The following KIRREL3 variants were observed in gnomAD, a reference collection of about 807,000 sequenced individuals.
The protein encoded by KIRREL3 is kin of IRRE-like protein 3.
In KIRREL3, 36 loss-of-function variants were observed where a neutral mutation model predicts 89.7. The observed-to-expected ratio is 0.40, with a 90% CI of 0.31 to 0.53. The LOEUF (loss-of-function observed/expected upper bound fraction) is 0.53, where lower values mean the gene tolerates loss of function less well. Ranked by LOEUF, KIRREL3 falls within the 20% of genes least tolerant of loss-of-function variation. The pLI is 0.49. For synonymous variants in KIRREL3, 445 were observed against 441.4 expected (o/e 1.01, Z -0.10); for missense variants, 864 against 1,056.6 (o/e 0.82, Z 2.53).
Position 126,528,566 on chromosome 11 carries a change from C to T in KIRREL3, c.134-1879G>A, listed in dbSNP as rs1958836645. On this transcript the variant is annotated intron_variant, in intron 2 of 16. Coordinates refer to ENST00000525144, the MANE Select transcript of KIRREL3 (RefSeq NM_032531.4). The surrounding 1 kb of genome is among the most constrained non-coding windows in gnomAD (Gnocchi z 4.6). ...AATTGGCCTTGAATTGTGGGAGTAA[C>T]ACTTTTTATTCTGATTTGAGCTTTA... is the stretch of plus-strand genomic sequence containing the variant. 6.6e-6 allele frequency among the ~76,000 whole-genome samples: 1 copy of T among 152,140 alleles called. No individual in the cohort carries two copies. The highest frequency in any genetic ancestry group is 1.5e-5 in the Non-Finnish European group (1 of 68,034).
At position 126,449,049 on chromosome 11, in the gene KIRREL3, G is replaced by T. The variant is rs377273909; in HGVS notation, c.957C>A (p.Ala319=). 7.4e-6 allele frequency: 12 copies of T among 1,613,662 alleles called. No individual in the cohort carries two copies. The highest frequency in any genetic ancestry group is 9.3e-6 in the Non-Finnish European group (11 of 1,179,740). The change falls in exon 8 of 17, where the codon GCC becomes GCA. Residue 319 remains alanine, a synonymous_variant. Transcript: ENST00000525144. ...TGCGGCTGAGGTTGGTGCTGCCCAG[G>T]GCGTTGGTCACCTCACAGGAGACGG... ...SEPVSCEVTN[A]LGSTNLSRTV...
At chr11:126,786,080 C>G (rs1950480062) in intron 1 of KIRREL3, among the ~76,000 whole-genome samples, 1 of 151,904 alleles carries the variant, frequency 6.6e-6, no homozygotes, top group African/African-American at 2.4e-5. Flanking sequence ...GCAAAAACAG[C>G]CTAAACATTC....
intron 2 of KIRREL3, among the ~76,000 whole-genome samples, chr11:126,547,805 C>T (rs889362312): frequency 6.6e-6 from 1 of 152,288 alleles, no homozygotes; most frequent in East Asian, 1.9e-4. Context: ...CAAGTCTGCC[C>T]TGGACGATGG....
rs1943520602 is a variant in KIRREL3 at position 126,620,202 on chromosome 11, T to A, written c.56-57290A>T. ...CCTTCTTAAAATTTTTCCAATCAGC[T>A]ATTATAGTTCCCTTTAGTTCTTTCT... On this transcript the variant is annotated intron_variant, in intron 1 of 16. Transcript: ENST00000525144. This position sits in a 1 kb window ranked among gnomAD's most constrained non-coding sequence, Gnocchi z 4.8. Among the ~76,000 whole-genome samples the A allele has an allele frequency of 6.6e-6, 1 of 152,166 alleles. No individual in the cohort carries two copies. The highest frequency in any genetic ancestry group is 1.9e-4 in the East Asian group (1 of 5,194).
At chr11:126,926,702 CT>C (rs1386523378) in intron 1 of KIRREL3, among the ~76,000 whole-genome samples, 2 of 152,208 alleles carry the variant, frequency 1.3e-5, no homozygotes. Context: ...CATTTCCCCC[CT>C]GCTCTGTGGT....
rs1949982082 is a variant in KIRREL3, at chr11:126,990,064, AAACGCCTG to A, written c.55+10383_55+10390del. Among the ~76,000 whole-genome samples, 1 of 152,172 alleles carries A rather than the reference AAACGCCTG, an allele frequency of 6.6e-6. No individual in the cohort carries two copies. Among genetic ancestry groups the A allele is most frequent in the Non-Finnish European group, 1.5e-5 (1 of 68,022 alleles). On this transcript the variant is annotated intron_variant, in intron 1 of 16. Transcript: ENST00000525144. This position sits in a 1 kb window ranked among gnomAD's most constrained non-coding sequence, Gnocchi z 6.3. Reference sequence around the variant, plus strand: ...GTGGAATCACTCCTTGTGGAAGGGAAAACGCCTGGAGCGGGGCAGGGGGCACAGGCCTG... The same window carrying A: ...GTGGAATCACTCCTTGTGGAAGGGAAGAGCGGGGCAGGGGGCACAGGCCTG...
chr11:126,865,959 A>C (rs1944904436), intron 1 of KIRREL3, among the ~76,000 whole-genome samples: 2 of 152,102 alleles, frequency 1.3e-5, no homozygotes, highest in Admixed American at 1.3e-4. Flanking sequence ...TGAATAATAC[A>C]GTAGCCAGCC....
In KIRREL3 at chr11:126,876,044, T is replaced by G. The variant is rs781401004; in HGVS notation, c.55+124411A>C. On this transcript the variant is annotated intron_variant, in intron 1 of 16. Transcript: ENST00000525144. The surrounding 1 kb of genome is among the most constrained non-coding windows in gnomAD (Gnocchi z 4.1). ...GCATGGCACTGCTTGGCTTTGGTGA[T>G]GGGAGGGGCACAGGAGGGGTATTGG... Among the ~76,000 whole-genome samples, 2 of 152,026 alleles carry G rather than the reference T, an allele frequency of 1.3e-5. No homozygotes were observed. Among genetic ancestry groups the G allele is most frequent in the Non-Finnish European group, 2.9e-5 (2 of 68,020 alleles).
intron 1 of KIRREL3, among the ~76,000 whole-genome samples, chr11:126,818,677 C>T (rs1951666859): frequency 1.3e-5 from 2 of 151,072 alleles, no homozygotes; most frequent in African/African-American, 4.9e-5. Flanking sequence ...GAACATTAGA[C>T]TTATCTGAAA....
rs541350947 is a variant in KIRREL3 at position 126,553,203 on chromosome 11, G to A, written c.133+9632C>T. 4.6e-5 allele frequency among the ~76,000 whole-genome samples: 7 copies of A among 152,292 alleles called. No homozygotes were observed. In the East Asian group the frequency reaches 7.7e-4, roughly 17 times the overall value. On this transcript the variant is annotated intron_variant, in intron 2 of 16. Transcript: ENST00000525144. This position sits in a 1 kb window ranked among gnomAD's most constrained non-coding sequence, Gnocchi z 4.7. Reference sequence around the variant, plus strand: ...TTGCTGGACATTATGGGCTTACAGTGTGTCCCTTGGTCTGAAGAAATGATG... The same window carrying A: ...TTGCTGGACATTATGGGCTTACAGTATGTCCCTTGGTCTGAAGAAATGATG...
rs567422590 is a variant in KIRREL3 at position 126,491,575 on chromosome 11, C to T, written c.434-18109G>A. Among the ~76,000 whole-genome samples the T allele has an allele frequency of 5.3e-5, 8 of 152,310 alleles. No homozygotes were observed. Among genetic ancestry groups the T allele is most frequent in the African/African-American group, 1.9e-4 (8 of 41,570 alleles). ...ATCAGGAACACCTGCCCATGTCTGTCCCCAGAGAGAAGACCCAGGAGTTCA... is the reference window on the plus strand; with the variant it reads ...ATCAGGAACACCTGCCCATGTCTGTTCCCAGAGAGAAGACCCAGGAGTTCA... On this transcript the variant is annotated intron_variant, in intron 4 of 16. Coordinates refer to ENST00000525144, the MANE Select transcript of KIRREL3 (RefSeq NM_032531.4). This position sits in a 1 kb window ranked among gnomAD's most constrained non-coding sequence, Gnocchi z 5.5.
chr11:126,678,599 CAA>C (rs59342253), intron 1 of KIRREL3, among the ~76,000 whole-genome samples: 21 of 50,040 alleles, frequency 4.2e-4, no homozygotes, highest in African/African-American at 1.4e-3. Flanking sequence ...GACTCTGTCT[CAA>C]AAAAAAAAAA....
chr11:126,869,380 CCTGT>C (rs1945031557), intron 1 of KIRREL3, among the ~76,000 whole-genome samples: 1 of 152,090 alleles, frequency 6.6e-6, no homozygotes, highest in South Asian at 2.1e-4. Context: ...ACCTTCACTC[CCTGT>C]CTTCCTGCCC....
In KIRREL3 at chr11:126,654,337, GTTTT is replaced by G. The variant is rs5795513; in HGVS notation, c.56-91429_56-91426del. On this transcript the variant is annotated intron_variant, in intron 1 of 16. Coordinates refer to ENST00000525144, the MANE Select transcript of KIRREL3 (RefSeq NM_032531.4). ...TGGATCTAGGATACCTAAACTGAAA[GTTTT>G]TTTTTTTTTTTTTTTCACAGCATAT... 1.5e-3 allele frequency among the ~76,000 whole-genome samples: 209 copies of G among 139,220 alleles called. 1 individual carries two copies. The highest frequency in any genetic ancestry group is 5.5e-3 in the African/African-American group (205 of 37,342). The allele number at this position is 139,220 out of a possible 152,430, so 91.3% of individuals were successfully genotyped here.
rs932887786 is a variant in KIRREL3, at chr11:126,876,485, C to T, written c.55+123970G>A. On this transcript the variant is annotated intron_variant, in intron 1 of 16. Coordinates refer to ENST00000525144, the MANE Select transcript of KIRREL3 (RefSeq NM_032531.4). This position sits in a 1 kb window ranked among gnomAD's most constrained non-coding sequence, Gnocchi z 4.1. ...ACTGTGCTATCCCTGCTCACTGTTG[C>T]ACCTGATACACCTATCCTAGTGCTT... Among the ~76,000 whole-genome samples the T allele has an allele frequency of 6.6e-6, 1 of 151,926 alleles. No individual in the cohort carries two copies. The highest frequency in any genetic ancestry group is 1.5e-5 in the Non-Finnish European group (1 of 68,014).
At chr11:126,451,304 GTGTGTGCATGTGGT>G (rs1459848089) in intron 7 of KIRREL3, among the ~76,000 whole-genome samples, 3 of 145,604 alleles carry the variant, frequency 2.1e-5, no homozygotes, top group Non-Finnish European at 4.5e-5. Context: ...ATGTGTGCAT[GTGTGTGCATGTGGT>G]TGTGTGCATT....
At position 126,515,599 on chromosome 11, in the gene KIRREL3, C is replaced by A. The variant is rs1001864525; in HGVS notation, c.433+5716G>T. Reference sequence around the variant, plus strand: ...GCCAAGGGAAGAAAGGTAGGAAGGGCACTCCAGGAAGAAACACAGTGTGAA... The same window carrying A: ...GCCAAGGGAAGAAAGGTAGGAAGGGAACTCCAGGAAGAAACACAGTGTGAA... On this transcript the variant is annotated intron_variant, in intron 4 of 16. Coordinates refer to ENST00000525144, the MANE Select transcript of KIRREL3 (RefSeq NM_032531.4). The surrounding 1 kb of genome is among the most constrained non-coding windows in gnomAD (Gnocchi z 4.2). 6.6e-6 allele frequency among the ~76,000 whole-genome samples: 1 copy of A among 152,152 alleles called. No individual in the cohort carries two copies. Among genetic ancestry groups the A allele is most frequent in the African/African-American group, 2.4e-5 (1 of 41,432 alleles).
intron 1 of KIRREL3, among the ~76,000 whole-genome samples, chr11:126,777,476 CA>C (rs147628177): frequency 1.6e-4 from 25 of 151,834 alleles, no homozygotes; most frequent in Middle Eastern, 3.4e-3. Context: ...AGGTTTTACT[CA>C]AAAAAAACCC....
At position 126,521,672 on chromosome 11, in the gene KIRREL3, CTGTA is replaced by C. The variant is rs1418726412; in HGVS notation, c.284-212_284-209del. On this transcript the variant is annotated intron_variant, in intron 3 of 16. Transcript: ENST00000525144. The surrounding 1 kb of genome is among the most constrained non-coding windows in gnomAD (Gnocchi z 4.1). ...AGGTGTTGGTTCTCTCTCTCTCTCTCTGTATGTGTGTGTGTGTGTGTGTGTGTGT... is the reference window on the plus strand; with the variant it reads ...AGGTGTTGGTTCTCTCTCTCTCTCTCTGTGTGTGTGTGTGTGTGTGTGTGT... 9.3e-5 allele frequency among the ~76,000 whole-genome samples: 4 copies of C among 43,028 alleles called. No individual in the cohort carries two copies. The highest frequency in any genetic ancestry group is 8.6e-4 in the South Asian group (2 of 2,338). 28.2% of individuals were successfully genotyped at this position (43,028 alleles called of 152,430 possible).
Sources: gnomAD v4.1 joint callset for allele counts (sites outside exome capture counted in the v4.1 genomes callset) on GRCh38, gnomAD v4.1.1 for gene constraint, Gnocchi (gnomAD v3.1) non-coding constraint, MANE v1.5 for transcripts, NCBI Gene and HGNC (gene_info 2026-07-23, HGNC 2026-07-21) for gene names.